The following DAGLA variants were observed in gnomAD, a reference collection of about 807,000 sequenced individuals.
The protein encoded by DAGLA is diacylglycerol lipase-alpha.
In DAGLA, 22 loss-of-function variants were observed where a neutral mutation model predicts 102.6. The ratio of observed to expected loss-of-function variants is 0.21; its 90% confidence interval spans 0.15 to 0.31. DAGLA has a LOEUF of 0.31. DAGLA is among the 10% of genes least tolerant of loss of function. The pLI is 1.00. For synonymous variants in DAGLA, 578 were observed against 628.9 expected, an observed-to-expected ratio of 0.92 and a Z score of 1.21; for missense variants, 927 against 1,446.6, an observed-to-expected ratio of 0.64 and a Z score of 5.83.
At position 61,684,398 on chromosome 11, in the gene DAGLA, T is replaced by G. The variant is rs959492837; in HGVS notation, c.-45+3894T>G. Among the ~76,000 whole-genome samples, 1 of 151,962 alleles carries G rather than the reference T, an allele frequency of 6.6e-6. No homozygotes were observed. The highest frequency in any genetic ancestry group is 1.5e-5 in the Non-Finnish European group (1 of 67,894). ...AGGGCTGAAAATGGTTTATTTTGAT[T>G]TTCTTTTTTTGTTTCTGATACTGAC... On this transcript the variant is annotated intron_variant, in intron 1 of 19. Coordinates refer to ENST00000257215, the MANE Select transcript of DAGLA (RefSeq NM_006133.3). This position sits in a 1 kb window ranked among gnomAD's most constrained non-coding sequence, Gnocchi z 4.5.
intron 1 of DAGLA, among the ~76,000 whole-genome samples, chr11:61,706,706 C>T (rs905254028): frequency 6.6e-6 from 1 of 152,224 alleles, no homozygotes; most frequent in African/African-American, 2.4e-5. Context: ...GCTGACCCCG[C>T]CGAGGTCCCC....
chr11:61,698,401 C>T (rs1205011114), intron 1 of DAGLA, among the ~76,000 whole-genome samples: 2 of 152,364 alleles, frequency 1.3e-5, no homozygotes, highest in Non-Finnish European at 2.9e-5. Context: ...AACTGCCTTT[C>T]TCTCTGCAGT....
chr11:61,737,296 G>A lies in DAGLA; in HGVS notation c.1486G>A (p.Ala496Thr). 1 of 1,612,270 alleles carries A rather than the reference G, an allele frequency of 6.2e-7. No individual in the cohort carries two copies. Among genetic ancestry groups the A allele is most frequent in the Non-Finnish European group, 8.5e-7 (1 of 1,180,030 alleles). Residue 496 changes from alanine to threonine, a missense_variant, in exon 14 of 20, where the codon GCC becomes ACC. Coordinates refer to ENST00000257215, the MANE Select transcript of DAGLA (RefSeq NM_006133.3). Reference sequence around the variant, plus strand: ...ACAGTATCCGACCCTCAAGTGCTTTGCCTACTCCCCGCCAGGGGGCCTGCT... The same window carrying A: ...ACAGTATCCGACCCTCAAGTGCTTTACCTACTCCCCGCCAGGGGGCCTGCT... ...RPQYPTLKCF[A>T]YSPPGGLLSE...
chr11:61,739,378 G>C (rs1333185987), intron 16 of DAGLA, 87 bp from the exon 17 acceptor site: 3 of 1,333,458 alleles, frequency 2.2e-6, no homozygotes, highest in Non-Finnish European at 3.1e-6. Context: ...CTCACCTGCT[G>C]AGCCCCCCTT....
Position 61,712,294 on chromosome 11 carries a change from C to T in DAGLA, c.-44-7818C>T, listed in dbSNP as rs533201137. Among the ~76,000 whole-genome samples, 4 of 152,322 alleles carry T rather than the reference C, an allele frequency of 2.6e-5. No individual in the cohort carries two copies. In the East Asian group the frequency reaches 7.7e-4, roughly 29 times the overall value. On this transcript the variant is annotated intron_variant, in intron 1 of 19. Transcript: ENST00000257215. ...AGTTTCCCGATCCATGACATGCGAACAGCTAGACCCACCCCTGGGGTTGTA... is the reference window on the plus strand; with the variant it reads ...AGTTTCCCGATCCATGACATGCGAATAGCTAGACCCACCCCTGGGGTTGTA...
rs947431012 is a variant in DAGLA, at chr11:61,746,472, C to T, written c.*1983C>T. 1 of 152,496 alleles carries T rather than the reference C, an allele frequency of 6.6e-6. No homozygotes were observed. The highest frequency in any genetic ancestry group is 2.4e-5 in the African/African-American group (1 of 41,438). The allele number at this position is 152,496 out of a possible 1,614,324, so 9.4% of individuals were successfully genotyped here. Reference sequence around the variant, plus strand: ...CCTCTAATGTGGGCATGTCGTCCACCCCAGGACGAGCCATCAGGGACAGAC... The same window carrying T: ...CCTCTAATGTGGGCATGTCGTCCACTCCAGGACGAGCCATCAGGGACAGAC... On this transcript the variant is annotated 3_prime_UTR_variant, in exon 20 of 20. Transcript: ENST00000257215.
At position 61,710,102 on chromosome 11, in the gene DAGLA, C is replaced by T. The variant is rs566185571; in HGVS notation, c.-44-10010C>T. Among the ~76,000 whole-genome samples the T allele has an allele frequency of 7.9e-5, 12 of 152,216 alleles. No homozygotes were observed. In the East Asian group the frequency reaches 2.3e-3, roughly 30 times the overall value. On this transcript the variant is annotated intron_variant, in intron 1 of 19. Transcript: ENST00000257215. ...TATCATTAACAGCTTCATTAGGGGG[C>T]CCCTAATGAAGTGGAAGGTACTAAT... is the stretch of plus-strand genomic sequence containing the variant.
intron 1 of DAGLA, among the ~76,000 whole-genome samples, chr11:61,708,700 T>A (rs991668147): frequency 2.0e-5 from 3 of 152,182 alleles, no homozygotes; most frequent in African/African-American, 4.8e-5. Flanking sequence ...TTACAACTTT[T>A]AACTCGCTTT....
intron 7 of DAGLA, among the ~76,000 whole-genome samples, chr11:61,728,643 C>A (rs1386197901): frequency 6.6e-6 from 1 of 152,200 alleles, no homozygotes; most frequent in Non-Finnish European, 1.5e-5. Flanking sequence ...AGCACACCAA[C>A]CCCAGTTAGG....
At chr11:61,715,297 TCC>T (rs923905298) in intron 1 of DAGLA, among the ~76,000 whole-genome samples, 4 of 152,160 alleles carry the variant, frequency 2.6e-5, no homozygotes, top group African/African-American at 9.7e-5. Context: ...CTGGCTGTCA[TCC>T]CCTCCTTCAG....
At chr11:61,725,465 T>C (rs1476712014) in intron 5 of DAGLA, among the ~76,000 whole-genome samples, 1 of 152,150 alleles carries the variant, frequency 6.6e-6, no homozygotes, top group Admixed American at 6.5e-5. Context: ...CTCAGCCCCA[T>C]AGATTTCCTG....
At chr11:61,711,778 G>A (rs1018272197) in intron 1 of DAGLA, among the ~76,000 whole-genome samples, 1 of 152,196 alleles carries the variant, frequency 6.6e-6, no homozygotes, top group African/African-American at 2.4e-5. Context: ...GAGCCCTGGT[G>A]AAGCCTTCTG....
Position 61,717,146 on chromosome 11 carries a change from C to T in DAGLA, c.-44-2966C>T, listed in dbSNP as rs561036781. ...AGCCAGAAGAGGTGCTTTGTGGCAGCCCCAGACCAGGAAGTAGCCTCTGCC... is the reference window on the plus strand; with the variant it reads ...AGCCAGAAGAGGTGCTTTGTGGCAGTCCCAGACCAGGAAGTAGCCTCTGCC... On this transcript the variant is annotated intron_variant, in intron 1 of 19. Coordinates refer to ENST00000257215, the MANE Select transcript of DAGLA (RefSeq NM_006133.3). 5.9e-5 allele frequency among the ~76,000 whole-genome samples: 9 copies of T among 152,258 alleles called. No homozygotes were observed. The South Asian group carries it at 1.7e-3, about 28-fold the overall frequency.
intron 1 of DAGLA, among the ~76,000 whole-genome samples, chr11:61,711,240 G>A (rs1419642031): frequency 3.9e-5 from 6 of 152,194 alleles, no homozygotes; most frequent in African/African-American, 1.2e-4. Context: ...CGGCCTTTGC[G>A]TGAGGGCTTG....
intron 9 of DAGLA, among the ~76,000 whole-genome samples, chr11:61,731,754 AG>A (rs2135594994): frequency 6.6e-6 from 1 of 152,114 alleles, no homozygotes; most frequent in South Asian, 2.1e-4. Flanking sequence ...TTTTTTGGAG[AG>A]GGCTAGATGA....
intron 8 of DAGLA, 120 bp from the exon 9 acceptor site, chr11:61,731,197 C>A: frequency 7.9e-7 from 1 of 1,268,334 alleles, no homozygotes. Context: ...CAACAGGGGA[C>A]CAGCAACCCC....
At chr11:61,690,271 G>A (rs1188659820) in intron 1 of DAGLA, among the ~76,000 whole-genome samples, 2 of 152,226 alleles carry the variant, frequency 1.3e-5, no homozygotes, top group East Asian at 1.9e-4. Context: ...AGACCGTGGA[G>A]CAGATAATAG....
chr11:61,721,206 G>A (rs781499769), intron 3 of DAGLA, among the ~76,000 whole-genome samples: 4 of 151,994 alleles, frequency 2.6e-5, no homozygotes, highest in African/African-American at 4.8e-5. Context: ...CCAGCCTGGC[G>A]AACATGGGGA....
At chr11:61,717,371 C>G (rs1445349477) in intron 1 of DAGLA, among the ~76,000 whole-genome samples, 1 of 152,124 alleles carries the variant, frequency 6.6e-6, no homozygotes, top group South Asian at 2.1e-4. Context: ...CTGCCACCCC[C>G]ACCCCAGACC....
Sources: allele counts gnomAD v4.1 joint callset (sites outside exome capture counted in the v4.1 genomes callset), GRCh38; gene constraint gnomAD v4.1.1; non-coding constraint Gnocchi (gnomAD v3.1); transcripts MANE v1.5; gene names NCBI Gene and HGNC (gene_info 2026-07-23, HGNC 2026-07-21).